The following TANC1 variants were observed in gnomAD, a reference collection of about 807,000 sequenced individuals.
TANC1 encodes the protein tetratricopeptide repeat, ankyrin repeat and coiled-coil containing 1.
Under a neutral mutation model 149.7 loss-of-function variants are expected in TANC1, and 77 were observed. That is an observed-to-expected ratio of 0.51 (90% CI 0.43 to 0.62). TANC1 has a LOEUF of 0.62. Among genes scored for constraint, TANC1 ranks in the 20% least tolerant of loss-of-function variants. TANC1 has a pLI of 0.00. For missense variants in TANC1, 1,985 were observed against 2,321.8 expected, an observed-to-expected ratio of 0.85 and a Z score of 2.98; for synonymous variants, 854 against 925.0, an observed-to-expected ratio of 0.92 and a Z score of 1.39.
chr2:159,229,711 C>T lies in TANC1; in HGVS notation c.4285C>T (p.Gln1429Ter). ...QLQRSQQQKQ[Q>*]GPLPAPLNDS... ...CCAGAGGAGTCAACAGCAAAAACAG[C>T]AGGGCCCGCTACCAGCTCCACTCAA... is the stretch of plus-strand genomic sequence containing the variant. The change falls in exon 27 of 27, where the codon CAG becomes TAG. Residue 1429 changes from glutamine to a stop codon, truncating the protein, a stop_gained. Transcript: ENST00000263635. LOFTEE classifies it low-confidence loss of function (END_TRUNC). 6.2e-7 allele frequency: 1 copy of T among 1,614,070 alleles called. No individual in the cohort carries two copies. Among genetic ancestry groups the T allele is most frequent in the Non-Finnish European group, 8.5e-7 (1 of 1,180,030 alleles).
At chr2:159,016,419 A>C (rs1464419737) in intron 2 of TANC1, among the ~76,000 whole-genome samples, 1 of 152,170 alleles carries the variant, frequency 6.6e-6, no homozygotes, top group Non-Finnish European at 1.5e-5. Context: ...ACAGAGCCAA[A>C]CCATATTAGA....
At chr2:159,047,865 A>G (rs1271111596) in intron 2 of TANC1, among the ~76,000 whole-genome samples, 1 of 152,186 alleles carries the variant, frequency 6.6e-6, no homozygotes, top group African/African-American at 2.4e-5. Flanking sequence ...CACCACTAAC[A>G]TTTAATTATA....
intron 5 of TANC1, among the ~76,000 whole-genome samples, chr2:159,140,253 TG>T (rs1272823767): frequency 6.6e-6 from 1 of 152,046 alleles, no homozygotes; most frequent in Non-Finnish European, 1.5e-5. Context: ...AGAATATGAT[TG>T]AAAAAAATGC....
chr2:159,076,985 G>GC (rs1559213468), intron 3 of TANC1, among the ~76,000 whole-genome samples: 4 of 142,320 alleles, frequency 2.8e-5, no homozygotes. Context: ...CGTTCATTTT[G>GC]TTTTTTTTTT....
At chr2:159,226,517 A>C (rs1559495334) in intron 24 of TANC1, 1 of 152,230 alleles carries the variant, frequency 6.6e-6, no homozygotes, top group African/African-American at 2.4e-5. Context: ...AGCCTTTCCT[A>C]ATTTTTAATA....
intron 1 of TANC1, among the ~76,000 whole-genome samples, chr2:158,987,171 G>A (rs370912160): frequency 2.8e-5 from 4 of 141,590 alleles, no homozygotes; most frequent in East Asian, 4.1e-4. Flanking sequence ...CCGAGATTGC[G>A]CCACTGCACT....
intron 2 of TANC1, among the ~76,000 whole-genome samples, chr2:159,052,475 C>T (rs573926424): frequency 2.2e-4 from 33 of 152,250 alleles, no homozygotes; most frequent in Non-Finnish European, 4.1e-4. Context: ...TGGGATGATG[C>T]GGTAAGAAGG....
At position 159,051,661 on chromosome 2, in the gene TANC1, G is replaced by A. The variant is rs1017326076; in HGVS notation, c.-15-14235G>A. On this transcript the variant is annotated intron_variant, in intron 2 of 26. Transcript: ENST00000263635. ...TAGTTGAAGTGGTGTTTGTGTGTGT[G>A]TGTGTGTGTGTGTGTGTGTGTGTGT... Among the ~76,000 whole-genome samples the A allele has an allele frequency of 4.1e-3, 617 of 149,932 alleles. 3 individuals are homozygous for A. Among genetic ancestry groups the A allele is most frequent in the African/African-American group, 0.014 (571 of 40,334 alleles).
At chr2:159,184,804 A>G (rs536460095) in intron 14 of TANC1, among the ~76,000 whole-genome samples, 1 of 152,312 alleles carries the variant, frequency 6.6e-6, no homozygotes, top group South Asian at 2.1e-4. Context: ...AAGACAATGG[A>G]CGAGACTCAG....
At chr2:159,016,505 CT>C (rs760721578) in intron 2 of TANC1, among the ~76,000 whole-genome samples, 5 of 152,106 alleles carry the variant, frequency 3.3e-5, no homozygotes, top group Non-Finnish European at 7.4e-5. Flanking sequence ...TTTCTGTCTC[CT>C]AATTCAGTAC....
intron 7 of TANC1, among the ~76,000 whole-genome samples, chr2:159,154,960 A>C (rs767250483): frequency 6.6e-6 from 1 of 152,170 alleles, no homozygotes; most frequent in South Asian, 2.1e-4. Context: ...ATTTTTTCTC[A>C]GTGACATTCC....
intron 9 of TANC1, 90 bp downstream of exon 9, chr2:159,169,462 T>C: frequency 3.0e-6 from 4 of 1,350,412 alleles, no homozygotes; most frequent in Admixed American, 1.8e-5. Context: ...TGAAGCCAAC[T>C]GTGTTTATAA....
chr2:159,081,128 G>T (rs540426821), intron 3 of TANC1, among the ~76,000 whole-genome samples: 1 of 152,184 alleles, frequency 6.6e-6, no homozygotes, highest in Non-Finnish European at 1.5e-5. Flanking sequence ...GGCATTGCCC[G>T]TGAGCAGAGC....
chr2:159,219,977 AGT>A (rs760037919), intron 22 of TANC1, 110 bp downstream of exon 22: 75,249 of 555,674 alleles, frequency 0.14, 2,502 homozygotes, highest in African/African-American at 0.21. Context: ...GTCATCAGAG[AGT>A]GTGTGTGTGT....
intron 7 of TANC1, among the ~76,000 whole-genome samples, chr2:159,151,594 T>C (rs2052816741): frequency 6.6e-6 from 1 of 152,230 alleles, no homozygotes; most frequent in South Asian, 2.1e-4. Context: ...TTTTCTTTAG[T>C]CACCTGCAGT....
chr2:159,219,101 C>A, intron 20 of TANC1, 137 bp from the exon 21 acceptor site: 1 of 1,126,688 alleles, frequency 8.9e-7, no homozygotes, highest in Non-Finnish European at 1.3e-6. Flanking sequence ...ATTTTCCAGG[C>A]CCCATGGTTC....
intron 19 of TANC1, among the ~76,000 whole-genome samples, chr2:159,206,711 A>T (rs2150808063): frequency 6.6e-6 from 1 of 152,180 alleles, no homozygotes; most frequent in African/African-American, 2.4e-5. Flanking sequence ...TGATATTTGG[A>T]TTCTTTCTGT....
intron 11 of TANC1, 36 bp from the exon 12 acceptor site, chr2:159,174,917 G>A: frequency 6.6e-7 from 1 of 1,522,102 alleles, no homozygotes; most frequent in Non-Finnish European, 9.1e-7. Context: ...TGTGTGAAGA[G>A]GGTGAGGTGA....
At chr2:159,206,109 C>T (rs1453742985) in intron 19 of TANC1, among the ~76,000 whole-genome samples, 5 of 152,182 alleles carry the variant, frequency 3.3e-5, no homozygotes, top group Non-Finnish European at 5.9e-5. Flanking sequence ...CAAAGCAACA[C>T]GATGGGGAGT....
Sources: allele counts gnomAD v4.1 joint callset (sites outside exome capture counted in the v4.1 genomes callset), GRCh38; gene constraint gnomAD v4.1.1; transcripts MANE v1.5; gene names NCBI Gene and HGNC (gene_info 2026-07-23, HGNC 2026-07-21).